MTMR7: variants seen among roughly 807,000 people sequenced by gnomAD.
MTMR7 encodes the protein myotubularin related protein 7.
A neutral mutation model predicts 81.2 loss-of-function variants in MTMR7; 76 were observed. That is an observed-to-expected ratio of 0.94 (90% CI 0.78 to 1.13). The LOEUF (loss-of-function observed/expected upper bound fraction) is 1.13, where lower values mean the gene tolerates loss of function less well. Among genes scored for constraint, MTMR7 ranks in the 50% most tolerant of loss-of-function variants. The probability of loss-of-function intolerance (pLI) is 0.00; values close to 1 mark genes in which losing one functional copy is unlikely to be tolerated. For synonymous variants in MTMR7, 372 were observed against 289.8 expected (o/e 1.28, Z -2.88); for missense variants, 1,044 against 820.0 (o/e 1.27, Z -3.34).
At chr8:17,350,863 T>G (rs1819708682) in intron 4 of MTMR7, among the ~76,000 whole-genome samples, 1 of 152,130 alleles carries the variant, frequency 6.6e-6, no homozygotes, top group Non-Finnish European at 1.5e-5. Flanking sequence ...TACCAGACAT[T>G]TTAGGAAAGA....
intron 1 of MTMR7, among the ~76,000 whole-genome samples, chr8:17,375,475 C>G (rs1820555781): frequency 7.2e-6 from 1 of 138,000 alleles, no homozygotes; most frequent in Non-Finnish European, 1.5e-5. Flanking sequence ...CACCTACTAG[C>G]TTATGTTTTT....
At chr8:17,348,262 G>A (rs56398412) in intron 5 of MTMR7, among the ~76,000 whole-genome samples, 8,756 of 152,084 alleles carry the variant, frequency 0.058, 902 homozygotes, top group African/African-American at 0.2. Flanking sequence ...ATAAGGCCGG[G>A]CACAGTGGCT....
chr8:17,396,313 G>A (rs1443610943), intron 1 of MTMR7, among the ~76,000 whole-genome samples: 1 of 152,190 alleles, frequency 6.6e-6, no homozygotes, highest in Non-Finnish European at 1.5e-5. Flanking sequence ...ATTGCTGAAA[G>A]AGGCACTGAC....
chr8:17,382,273 C>T (rs1203763322), intron 1 of MTMR7, among the ~76,000 whole-genome samples: 1 of 152,162 alleles, frequency 6.6e-6, no homozygotes, highest in Admixed American at 6.5e-5. Flanking sequence ...ATCCCAAGGC[C>T]GAGGGCACCA....
At chr8:17,381,449 G>A (rs1241424148) in intron 1 of MTMR7, among the ~76,000 whole-genome samples, 1 of 152,004 alleles carries the variant, frequency 6.6e-6, no homozygotes, top group Non-Finnish European at 1.5e-5. Flanking sequence ...AGTAGAATGT[G>A]GGTCTTTCTA....
chr8:17,313,170 G>C, intron 8 of MTMR7, 122 bp downstream of exon 8: 1 of 615,884 alleles, frequency 1.6e-6, no homozygotes, highest in Non-Finnish European at 2.8e-6. Flanking sequence ...GCTCTACAAA[G>C]CTGGCTATCC....
intron 1 of MTMR7, among the ~76,000 whole-genome samples, chr8:17,379,804 T>G (rs558318640): frequency 6.6e-6 from 1 of 152,260 alleles, no homozygotes; most frequent in African/African-American, 2.4e-5. Flanking sequence ...TTTGTTTTTG[T>G]TTTTTTAATT....
chr8:17,379,258 T>G (rs575933502), intron 1 of MTMR7, among the ~76,000 whole-genome samples: 160 of 152,210 alleles, frequency 1.1e-3, no homozygotes, highest in African/African-American at 3.7e-3. Flanking sequence ...CAGCTTGAGG[T>G]GTCAACTCCC....
intron 1 of MTMR7, among the ~76,000 whole-genome samples, chr8:17,383,656 C>A (rs1017596213): frequency 6.6e-6 from 1 of 152,234 alleles, no homozygotes; most frequent in East Asian, 1.9e-4. Flanking sequence ...ATATGTTTAA[C>A]AAGTTAAATG....
intron 1 of MTMR7, among the ~76,000 whole-genome samples, chr8:17,393,171 G>A (rs973968391): frequency 2.6e-5 from 4 of 152,162 alleles, no homozygotes; most frequent in African/African-American, 7.2e-5. Flanking sequence ...ACAATTAAAT[G>A]GAGTAGGAAA....
At chr8:17,348,857 C>A in intron 5 of MTMR7, 96 bp downstream of exon 5, 1 of 1,337,198 alleles carries the variant, frequency 7.5e-7, no homozygotes, top group Non-Finnish European at 1.1e-6. Context: ...AGAATTCAAA[C>A]ACACACACAC....
chr8:17,324,590 A>G (rs1818574899), intron 7 of MTMR7, among the ~76,000 whole-genome samples: 2 of 152,206 alleles, frequency 1.3e-5, no homozygotes, highest in African/African-American at 4.8e-5. Flanking sequence ...AACACCAGAG[A>G]GGCAAAAGCA....
At chr8:17,393,634 T>C (rs890693056) in intron 1 of MTMR7, among the ~76,000 whole-genome samples, 7 of 152,052 alleles carry the variant, frequency 4.6e-5, no homozygotes, top group Non-Finnish European at 1.0e-4. Context: ...CACTTGTAAG[T>C]GGAAGCTGAA....
At chr8:17,380,316 A>C (rs1820720698) in intron 1 of MTMR7, among the ~76,000 whole-genome samples, 1 of 152,194 alleles carries the variant, frequency 6.6e-6, no homozygotes, top group South Asian at 2.1e-4. Flanking sequence ...TGCACTGCAC[A>C]ATCACTCTAT....
rs764213544 is a variant in MTMR7, at chr8:17,331,149, C to T, written c.865+1G>A. 1 of 1,609,934 alleles carries T rather than the reference C, an allele frequency of 6.2e-7. No individual in the cohort carries two copies. The highest frequency in any genetic ancestry group is 8.5e-7 in the Non-Finnish European group (1 of 1,178,852). ...ATGCTGTGCATAAGGAAATGGTTTA[C>T]CTTCCAGCATTTTCTGCAGACTGTT... On this transcript the variant is annotated splice_donor_variant, in intron 7 of 13. Transcript: ENST00000180173. LOFTEE classifies it high-confidence loss of function.
At chr8:17,315,134 T>G (rs1459861400) in intron 7 of MTMR7, among the ~76,000 whole-genome samples, 3 of 152,340 alleles carry the variant, frequency 2.0e-5, no homozygotes, top group Non-Finnish European at 4.4e-5. Context: ...AAATGTAGTA[T>G]GTCCTGACAA....
At position 17,307,171 on chromosome 8, in the gene MTMR7, A is replaced by G. The variant is rs531315193; in HGVS notation, c.1152-1214T>C. ...AAAGGGCTAAAATCCAGAATCTAAAATGAACTCAAACAAATTTACAAGAAA... is the reference window on the plus strand; with the variant it reads ...AAAGGGCTAAAATCCAGAATCTAAAGTGAACTCAAACAAATTTACAAGAAA... On this transcript the variant is annotated intron_variant, in intron 10 of 13. Coordinates refer to ENST00000180173, the MANE Select transcript of MTMR7 (RefSeq NM_004686.5). 6.6e-5 allele frequency among the ~76,000 whole-genome samples: 10 copies of G among 152,300 alleles called. No homozygotes were observed. In the East Asian group the frequency reaches 1.9e-3, roughly 29 times the overall value.
intron 13 of MTMR7, 45 bp from the exon 14 acceptor site, chr8:17,300,269 T>C (rs759630780): frequency 1.3e-6 from 2 of 1,547,930 alleles, no homozygotes; most frequent in South Asian, 1.2e-5. Flanking sequence ...ATAAATAACT[T>C]ATCTTTTTCT....
rs1384124390 is a variant in MTMR7, at chr8:17,297,548, A to ATTCT, written c.*2310_*2313dup. ...ACTGATTTGCTGGGTCATGGTCAAAATTCTTACCTATTTATTTCATATCAA... is the reference window on the plus strand; with the variant it reads ...ACTGATTTGCTGGGTCATGGTCAAAATTCTTTCTTACCTATTTATTTCATATCAA... On this transcript the variant is annotated 3_prime_UTR_variant, in exon 14 of 14. Transcript: ENST00000180173. 5.2e-5 allele frequency: 6 copies of ATTCT among 115,122 alleles called. No homozygotes were observed. The highest frequency in any genetic ancestry group is 2.6e-4 in the African/African-American group (6 of 22,980). The allele number at this position is 115,122 out of a possible 1,614,324, so 7.1% of individuals were successfully genotyped here. A position where few individuals can be genotyped will look rare whatever the true frequency, so the allele number is the denominator to read the frequency against.
Sources: allele counts gnomAD v4.1 joint callset (sites outside exome capture counted in the v4.1 genomes callset), GRCh38; gene constraint gnomAD v4.1.1; transcripts MANE v1.5; gene names NCBI Gene and HGNC (gene_info 2026-07-23, HGNC 2026-07-21).